GRIK2: variants seen among roughly 807,000 people sequenced by gnomAD.
The protein encoded by GRIK2 is glutamate receptor ionotropic, kainate 2.
Under a neutral mutation model 100.3 loss-of-function variants are expected in GRIK2, and 32 were observed. The ratio of observed to expected loss-of-function variants is 0.32; its 90% CI spans 0.24 to 0.43. The LOEUF is 0.43. GRIK2 is among the 20% of genes least tolerant of loss of function. The pLI is 1.00. For synonymous variants in GRIK2, 417 were observed against 389.4 expected, an observed-to-expected ratio of 1.07 and a Z score of -0.83; for missense variants, 843 against 1,114.9, an observed-to-expected ratio of 0.76 and a Z score of 3.47.
intron 5 of GRIK2, among the ~76,000 whole-genome samples, chr6:101,682,153 A>G (rs1156782901): frequency 6.6e-6 from 1 of 152,226 alleles, no homozygotes. Context: ...TGTGTTTTGC[A>G]GCACTTTTTT....
chr6:101,664,227 C>T (rs1174440340), intron 4 of GRIK2, among the ~76,000 whole-genome samples: 1 of 152,108 alleles, frequency 6.6e-6, no homozygotes, highest in African/African-American at 2.4e-5. Context: ...TTATCTGCCC[C>T]ATCTCATTAT....
At chr6:101,777,822 G>C (rs1343036660) in intron 7 of GRIK2, among the ~76,000 whole-genome samples, 2 of 152,126 alleles carry the variant, frequency 1.3e-5, no homozygotes, top group African/African-American at 4.8e-5. Context: ...TTACTTAATG[G>C]AAAGATAAAT....
intron 12 of GRIK2, among the ~76,000 whole-genome samples, chr6:101,898,597 A>G (rs1582485805): frequency 6.6e-6 from 1 of 151,920 alleles, no homozygotes; most frequent in African/African-American, 2.4e-5. Context: ...TTAGCAACCA[A>G]ATGTGTAGAT....
At chr6:101,808,998 T>G in intron 9 of GRIK2, among the ~76,000 whole-genome samples, 1 of 151,414 alleles carries the variant, frequency 6.6e-6, no homozygotes, top group Admixed American at 6.6e-5. Context: ...ATAAAAATAA[T>G]TTGTAAATGT....
At chr6:101,556,435 C>T (rs1441928352) in intron 2 of GRIK2, among the ~76,000 whole-genome samples, 1 of 145,350 alleles carries the variant, frequency 6.9e-6, no homozygotes, top group East Asian at 2.0e-4. Flanking sequence ...TCCAGGTTCA[C>T]GCCATTCTCC....
chr6:101,752,204 A>G (rs1485463850), intron 7 of GRIK2, among the ~76,000 whole-genome samples: 1 of 152,008 alleles, frequency 6.6e-6, no homozygotes, highest in African/African-American at 2.4e-5. Flanking sequence ...CTTTTCCATG[A>G]TTGTTCTTTT....
intron 14 of GRIK2, among the ~76,000 whole-genome samples, chr6:101,999,063 C>T (rs1404164311): frequency 6.6e-6 from 1 of 151,986 alleles, no homozygotes; most frequent in Non-Finnish European, 1.5e-5. Context: ...ATCCGCCTGC[C>T]TCAGCCTCCC....
intron 12 of GRIK2, among the ~76,000 whole-genome samples, chr6:101,917,877 C>T (rs989117206): frequency 3.3e-5 from 5 of 150,790 alleles, no homozygotes; most frequent in African/African-American, 1.2e-4. Flanking sequence ...AACAAAGTCA[C>T]AGTAAATATG....
chr6:101,419,966 A>C (rs1044779138), intron 2 of GRIK2, among the ~76,000 whole-genome samples: 1 of 152,204 alleles, frequency 6.6e-6, no homozygotes, highest in Non-Finnish European at 1.5e-5. Context: ...CTTCATCCCC[A>C]AATAAAACAC....
chr6:102,014,985 G>C (rs1413740865), intron 14 of GRIK2, among the ~76,000 whole-genome samples: 1 of 152,090 alleles, frequency 6.6e-6, no homozygotes, highest in African/African-American at 2.4e-5. Flanking sequence ...TTCAAGTCCT[G>C]AATATCTTTG....
intron 2 of GRIK2, among the ~76,000 whole-genome samples, chr6:101,553,440 C>A (rs1776603383): frequency 6.6e-6 from 1 of 152,058 alleles, no homozygotes; most frequent in Non-Finnish European, 1.5e-5. Flanking sequence ...CTGCTATAAC[C>A]TAACTTAAGA....
chr6:101,476,580 G>C (rs1038609458), intron 2 of GRIK2, among the ~76,000 whole-genome samples: 2 of 152,084 alleles, frequency 1.3e-5, no homozygotes, highest in East Asian at 1.9e-4. Context: ...AGTACCTACT[G>C]TATAGGATTG....
At chr6:101,702,129 ACAGT>A (rs1184197502) in intron 7 of GRIK2, among the ~76,000 whole-genome samples, 1 of 152,060 alleles carries the variant, frequency 6.6e-6, no homozygotes, top group Non-Finnish European at 1.5e-5. Context: ...ATTACATAAA[ACAGT>A]TAAATAAAAG....
intron 4 of GRIK2, among the ~76,000 whole-genome samples, chr6:101,645,290 T>C (rs1361041353): frequency 6.6e-6 from 1 of 151,924 alleles, no homozygotes; most frequent in African/African-American, 2.4e-5. Context: ...ATTTACTTAA[T>C]TGTGACAGAT....
At chr6:101,635,944 G>T (rs1780988452) in intron 4 of GRIK2, among the ~76,000 whole-genome samples, 1 of 152,150 alleles carries the variant, frequency 6.6e-6, no homozygotes, top group Non-Finnish European at 1.5e-5. Context: ...ACAGTGTGGT[G>T]ATTCCTCAAG....
intron 7 of GRIK2, among the ~76,000 whole-genome samples, chr6:101,733,764 A>T (rs947393029): frequency 2.1e-5 from 3 of 144,912 alleles, no homozygotes; most frequent in Admixed American, 7.0e-5. Context: ...GGAGGAATCA[A>T]ATTAGCTGCT....
At chr6:101,742,453 G>A (rs1349253216) in intron 7 of GRIK2, among the ~76,000 whole-genome samples, 1 of 152,196 alleles carries the variant, frequency 6.6e-6, no homozygotes, top group Non-Finnish European at 1.5e-5. Flanking sequence ...CCAAATATGA[G>A]TGACTGTGGC....
chr6:101,653,596 A>T (rs1781921331), intron 4 of GRIK2, among the ~76,000 whole-genome samples: 1 of 151,772 alleles, frequency 6.6e-6, no homozygotes, highest in South Asian at 2.1e-4. Flanking sequence ...TTTAACTCAG[A>T]GTCCTTTAAA....
intron 1 of GRIK2, 183 bp from the exon 2 acceptor site, chr6:101,398,802 T>C: frequency 2.6e-6 from 1 of 386,588 alleles, no homozygotes; most frequent in Non-Finnish European, 4.6e-6. Flanking sequence ...AGCAGCTATC[T>C]CAGTCTTTCT....
Sources: gnomAD v4.1 joint callset for allele counts (sites outside exome capture counted in the v4.1 genomes callset) on GRCh38, gnomAD v4.1.1 for gene constraint, MANE v1.5 for transcripts, NCBI Gene and HGNC (gene_info 2026-07-23, HGNC 2026-07-21) for gene names.